Variants in CLIC5 observed in about 807,000 individuals in gnomAD.
CLIC5 encodes chloride intracellular channel protein 5.
A neutral mutation model predicts 24.7 loss-of-function variants in CLIC5; 20 were observed. The ratio of observed to expected loss-of-function variants is 0.81; its 90% confidence interval spans 0.57 to 1.18. The LOEUF (loss-of-function observed/expected upper bound fraction) is 1.18, where lower values mean the gene tolerates loss of function less well. CLIC5 is among the 50% of genes most tolerant of loss of function. The pLI is 0.00. For synonymous variants in CLIC5, 159 were observed against 135.6 expected (o/e 1.17, Z -1.20); for missense variants, 341 against 326.1 (o/e 1.05, Z -0.35).
intron 1 of CLIC5, among the ~76,000 whole-genome samples, chr6:45,964,850 C>A (rs1174699019): frequency 6.6e-6 from 1 of 152,192 alleles, no homozygotes; most frequent in African/African-American, 2.4e-5. Flanking sequence ...GCAGGCAACT[C>A]ACATACACAC....
rs910349375 is a variant in CLIC5 at position 46,010,377 on chromosome 6, CA to C, written c.63+5102del. Among the ~76,000 whole-genome samples the C allele has an allele frequency of 1.9e-3, 284 of 149,512 alleles. 2 individuals carry two copies. The highest frequency in any genetic ancestry group is 6.5e-3 in the African/African-American group (266 of 40,776). On this transcript the variant is annotated intron_variant, in intron 1 of 5. Coordinates refer to ENST00000339561, the MANE Select transcript of CLIC5 (RefSeq NM_016929.5). ...GCTATTAGCACTGCACTGGTTAAAA[CA>C]AAAAAAAAATCTGTGGTCCAGAGAG...
the CLIC5 span, among the ~76,000 whole-genome samples, chr6:46,119,758 C>G: frequency 6.6e-6 from 1 of 152,234 alleles, no homozygotes; most frequent in Non-Finnish European, 1.5e-5. Flanking sequence ...TTCTAATGGT[C>G]TTAGCAAACG....
intron 5 of CLIC5, among the ~76,000 whole-genome samples, chr6:45,908,043 A>T (rs1762710412): frequency 6.6e-6 from 1 of 152,076 alleles, no homozygotes; most frequent in South Asian, 2.1e-4. Flanking sequence ...TAGATTTTCT[A>T]GTTTGTGTGC....
chr6:45,979,543 C>T (rs1765498092), intron 1 of CLIC5, among the ~76,000 whole-genome samples: 1 of 152,236 alleles, frequency 6.6e-6, no homozygotes, highest in Non-Finnish European at 1.5e-5. Context: ...TCCTGAATCA[C>T]ATTGGGCTGA....
chr6:46,035,831 G>C (rs1360655160), intron 1 of CLIC5, among the ~76,000 whole-genome samples: 3 of 151,794 alleles, frequency 2.0e-5, no homozygotes, highest in Non-Finnish European at 4.4e-5. Context: ...TGCAACCTCT[G>C]CCTCCTAGGT....
At chr6:46,028,661 C>T (rs566487327) in intron 1 of CLIC5, among the ~76,000 whole-genome samples, 1 of 151,050 alleles carries the variant, frequency 6.6e-6, no homozygotes, top group Non-Finnish European at 1.5e-5. Flanking sequence ...GTTTTTATAA[C>T]AGTTTTAGTT....
chr6:45,935,989 C>G lies in CLIC5; in HGVS notation c.406+5558G>C, dbSNP rs998744948. 9.2e-5 allele frequency among the ~76,000 whole-genome samples: 14 copies of G among 152,244 alleles called. No homozygotes were observed. In the South Asian group the frequency reaches 2.7e-3, roughly 29 times the overall value. On this transcript the variant is annotated intron_variant, in intron 4 of 5. Coordinates refer to ENST00000339561, the MANE Select transcript of CLIC5 (RefSeq NM_016929.5). ...CCCATCTTTATGCCCTCCCCACTAC[C>G]CCCGATTTCCTCCATCCTCCCTGGC...
At chr6:46,016,029 G>T (rs1581866489), upstream of CLIC5, 1 of 359,132 alleles carries the variant, frequency 2.8e-6, no homozygotes, top group Non-Finnish European at 3.9e-6. Context: ...TCCTGGCAAA[G>T]CCACCAAGGC....
upstream of CLIC5, among the ~76,000 whole-genome samples, chr6:46,019,237 T>A (rs1266709640): frequency 2.6e-5 from 4 of 152,316 alleles, no homozygotes; most frequent in South Asian, 6.2e-4. Flanking sequence ...ATAAATGGTC[T>A]AAGCACATAA....
the CLIC5 span, among the ~76,000 whole-genome samples, chr6:46,118,841 G>A: frequency 2.0e-5 from 3 of 152,178 alleles, no homozygotes; most frequent in African/African-American, 7.2e-5. Flanking sequence ...GTTACCTTAC[G>A]TGATAAAGGG....
rs115949611 is a variant in CLIC5, at chr6:45,945,733, A to T, written c.299+3523T>A. Among the ~76,000 whole-genome samples, 1,367 of 152,244 alleles carry T rather than the reference A, an allele frequency of 9.0e-3. 8 individuals carry two copies. Among genetic ancestry groups the T allele is most frequent in the Non-Finnish European group, 0.013 (880 of 68,006 alleles). On this transcript the variant is annotated intron_variant, in intron 3 of 5. Coordinates refer to ENST00000339561, the MANE Select transcript of CLIC5 (RefSeq NM_016929.5). ...CCCAGCTACCATGCCATCCTGTGGG[A>T]GGTCTGGAGGCTGTTTCTCTACCTC...
chr6:45,882,248 C>A (rs1374513094), intron 6 of CLIC5, among the ~76,000 whole-genome samples: 1 of 152,234 alleles, frequency 6.6e-6, no homozygotes, highest in Non-Finnish European at 1.5e-5. Flanking sequence ...ATCTCCCCAC[C>A]CTTCATCCAC....
chr6:45,949,516 A>G, intron 2 of CLIC5, 135 bp from the exon 3 acceptor site: 1 of 943,024 alleles, frequency 1.1e-6, no homozygotes, highest in Non-Finnish European at 1.6e-6. Flanking sequence ...TATGGTATGC[A>G]GTATAGGGCA....
the CLIC5 span, among the ~76,000 whole-genome samples, chr6:46,108,607 C>T: frequency 1.3e-5 from 2 of 152,022 alleles, no homozygotes; most frequent in Non-Finnish European, 2.9e-5. Context: ...CCATGTTGGC[C>T]AGGCTTGTCT....
At chr6:46,118,068 C>T in the CLIC5 span, among the ~76,000 whole-genome samples, 1 of 152,176 alleles carries the variant, frequency 6.6e-6, no homozygotes, top group East Asian at 1.9e-4. Flanking sequence ...GCTCCAGTGC[C>T]AACTGTGCAT....
At chr6:46,051,212 A>T (rs938173148) in intron 1 of CLIC5, among the ~76,000 whole-genome samples, 7 of 152,182 alleles carry the variant, frequency 4.6e-5, no homozygotes, top group African/African-American at 1.4e-4. Flanking sequence ...CCACTTGTGT[A>T]TGCCCTGGCC....
At chr6:46,107,760 G>T in the CLIC5 span, among the ~76,000 whole-genome samples, 2 of 152,270 alleles carry the variant, frequency 1.3e-5, no homozygotes, top group Admixed American at 1.3e-4. Flanking sequence ...ATGGGGCTGG[G>T]TGCATTGGCT....
At chr6:45,914,172 C>A in intron 5 of CLIC5, 56 bp downstream of exon 5, 1 of 1,409,656 alleles carries the variant, frequency 7.1e-7, no homozygotes, top group East Asian at 2.4e-5. Context: ...ACACAGGTGA[C>A]CTGGGCCTAA....
chr6:45,982,212 G>A (rs1765591958), intron 1 of CLIC5, among the ~76,000 whole-genome samples: 1 of 152,022 alleles, frequency 6.6e-6, no homozygotes. Flanking sequence ...AACCATGCAG[G>A]GGCTGTGATT....
Sources: allele counts gnomAD v4.1 joint callset (sites outside exome capture counted in the v4.1 genomes callset), GRCh38; gene constraint gnomAD v4.1.1; transcripts MANE v1.5; gene names NCBI Gene and HGNC (gene_info 2026-07-23, HGNC 2026-07-21).